The following FAM13B variants were observed in gnomAD, a reference collection of about 807,000 sequenced individuals.
FAM13B encodes family with sequence similarity 13 member B, also known as protein FAM13B.
A neutral mutation model predicts 117.3 loss-of-function variants in FAM13B; 60 were observed. The ratio of observed to expected loss-of-function variants is 0.51; its 90% CI spans 0.42 to 0.63. The LOEUF (loss-of-function observed/expected upper bound fraction) is 0.63, where lower values mean the gene tolerates loss of function less well. Among genes scored for constraint, FAM13B ranks in the 30% least tolerant of loss-of-function variants. The pLI, the probability that FAM13B is intolerant of heterozygous loss-of-function variation, is 0.00. For synonymous variants in FAM13B, 332 were observed against 356.1 expected, an observed-to-expected ratio of 0.93 and a Z score of 0.76; for missense variants, 972 against 1,091.9, an observed-to-expected ratio of 0.89 and a Z score of 1.55.
chr5:137,976,437 G>A (rs1774029830), intron 10 of FAM13B, among the ~76,000 whole-genome samples: 1 of 151,956 alleles, frequency 6.6e-6, no homozygotes, highest in Non-Finnish European at 1.5e-5. Context: ...GGAATTTTTT[G>A]CTTAAATTAT....
chr5:137,946,348 A>C (rs1263586108), intron 18 of FAM13B, 37 bp from the exon 19 acceptor site: 7 of 1,417,382 alleles, frequency 4.9e-6, no homozygotes, highest in Non-Finnish European at 5.8e-6. Flanking sequence ...AATACAAAAA[A>C]AAAAAAACAA....
chr5:137,998,701 G>A (rs1452057071), intron 7 of FAM13B, among the ~76,000 whole-genome samples: 1 of 152,208 alleles, frequency 6.6e-6, no homozygotes, highest in African/African-American at 2.4e-5. Flanking sequence ...TGCTTCTGAT[G>A]CAATCAACAG....
At position 137,965,101 on chromosome 5, in the gene FAM13B, G is replaced by A. The variant is rs540796015; in HGVS notation, c.1180-2632C>T. 1.2e-3 allele frequency among the ~76,000 whole-genome samples: 188 copies of A among 152,108 alleles called. 4 individuals carry two copies. The highest frequency in any genetic ancestry group is 0.01 in the Middle Eastern group (3 of 294). On this transcript the variant is annotated intron_variant, in intron 10 of 23. Coordinates refer to ENST00000689681, the MANE Select transcript of FAM13B (RefSeq NM_001385994.1). Reference sequence around the variant, plus strand: ...AATCACTTGAACCCAGTGGGGAGGAGCAGATTGCGGTGAGTGGAGACTGTG... The same window carrying A: ...AATCACTTGAACCCAGTGGGGAGGAACAGATTGCGGTGAGTGGAGACTGTG...
chr5:137,939,831 T>C lies in FAM13B; in HGVS notation c.*394A>G. 1 of 1,283,508 alleles carries C rather than the reference T, an allele frequency of 7.8e-7. No individual in the cohort carries two copies. The highest frequency in any genetic ancestry group is 9.8e-7 in the Non-Finnish European group (1 of 1,016,144). The allele number at this position is 1,283,508 out of a possible 1,614,324, so 79.5% of individuals were successfully genotyped here. On this transcript the variant is annotated 3_prime_UTR_variant, in exon 24 of 24. Coordinates refer to ENST00000689681, the MANE Select transcript of FAM13B (RefSeq NM_001385994.1). ...AGAAAAAGGCAACAGAAGAATTCAG[T>C]ATGAAGATTTTCCTCCAATTTTCTT...
Position 137,938,644 on chromosome 5 carries a change from T to G in FAM13B, c.*1581A>C, listed in dbSNP as rs867317020. 5 of 152,428 alleles carry G rather than the reference T, an allele frequency of 3.3e-5. No homozygotes were observed. Among genetic ancestry groups the G allele is most frequent in the African/African-American group, 4.8e-5 (2 of 41,478 alleles). The allele number at this position is 152,428 out of a possible 1,614,324, so 9.4% of individuals were successfully genotyped here. A position where few individuals can be genotyped will look rare whatever the true frequency, so the allele number is the denominator to read the frequency against. ...TACACATTCACTACCAGGTTTTCCC[T>G]CACCCCCCACCCCCCAGAAAAAGGC... On this transcript the variant is annotated 3_prime_UTR_variant, in exon 24 of 24. Coordinates refer to ENST00000689681, the MANE Select transcript of FAM13B (RefSeq NM_001385994.1).
At chr5:138,007,212 C>A (rs1170781835) in intron 6 of FAM13B, 65 bp from the exon 7 acceptor site, 3 of 1,234,614 alleles carry the variant, frequency 2.4e-6, no homozygotes, top group Non-Finnish European at 3.3e-6. Context: ...CTAAGACATA[C>A]TATTCTATGA....
chr5:137,981,077 A>ATT lies in FAM13B; in HGVS notation c.1179+4178_1179+4179dup, dbSNP rs56799832. ...CAGGGGAGCACCACTACACCTGGCT[A>ATT]TTTTTTTTTTTTTTTTTTTTTTTTT... is the stretch of plus-strand genomic sequence containing the variant. On this transcript the variant is annotated intron_variant, in intron 10 of 23. Transcript: ENST00000689681. Among the ~76,000 whole-genome samples, 135 of 60,462 alleles carry ATT rather than the reference A, an allele frequency of 2.2e-3. 1 individual carries two copies. Among genetic ancestry groups the ATT allele is most frequent in the African/African-American group, 6.9e-3 (97 of 14,144 alleles). The allele number at this position is 60,462 out of a possible 152,430, so 39.7% of individuals were successfully genotyped here.
intron 23 of FAM13B, 32 bp from the exon 24 acceptor site, chr5:137,940,380 A>G (rs1761283034): frequency 1.3e-6 from 2 of 1,519,802 alleles, no homozygotes; most frequent in Non-Finnish European, 8.9e-7. Flanking sequence ...GTAATGTTCT[A>G]GAGATCATTT....
At chr5:138,029,798 T>C (rs1032517632) in intron 1 of FAM13B, among the ~76,000 whole-genome samples, 14 of 152,238 alleles carry the variant, frequency 9.2e-5, no homozygotes, top group African/African-American at 3.1e-4. Context: ...AAGCAAAAAG[T>C]AGAGAAATAT....
chr5:137,954,487 C>A, intron 14 of FAM13B, 111 bp from the exon 15 acceptor site: 1 of 650,596 alleles, frequency 1.5e-6, no homozygotes, highest in Non-Finnish European at 2.6e-6. Flanking sequence ...TGTAGTGGTT[C>A]ATATATACAT....
intron 4 of FAM13B, among the ~76,000 whole-genome samples, chr5:138,013,887 C>T (rs1349205370): frequency 6.6e-6 from 1 of 152,172 alleles, no homozygotes; most frequent in Middle Eastern, 3.2e-3. Context: ...TTATTTTTAT[C>T]ATCTACTTTA....
chr5:137,996,090 A>G (rs529048719), intron 7 of FAM13B, among the ~76,000 whole-genome samples: 6 of 152,204 alleles, frequency 3.9e-5, no homozygotes, highest in Admixed American at 6.5e-5. Flanking sequence ...AACTGAAGGC[A>G]TATTTTCTCA....
chr5:138,025,563 C>A (rs1239625344), intron 1 of FAM13B, among the ~76,000 whole-genome samples: 2 of 151,998 alleles, frequency 1.3e-5, no homozygotes, highest in African/African-American at 4.8e-5. Context: ...AACCTAAGTT[C>A]TACAGGGACT....
At chr5:137,958,953 G>A (rs566444610) in intron 13 of FAM13B, among the ~76,000 whole-genome samples, 69 of 152,174 alleles carry the variant, frequency 4.5e-4, no homozygotes, top group Middle Eastern at 6.8e-3. Flanking sequence ...ATCCACTGAA[G>A]TTCAGCATTT....
chr5:138,032,882 C>T lies in FAM13B; in HGVS notation c.-303G>A, dbSNP rs1393467597. On this transcript the variant is annotated 5_prime_UTR_variant, in exon 1 of 24. Transcript: ENST00000689681. ...ACTGAGGCCCCAAGTGGCTCCGCGG[C>T]CGAGAAGCCTCTTCCTGGGGCGGCC... 1.0e-6 allele frequency: 1 copy of T among 985,648 alleles called. No homozygotes were observed. Among genetic ancestry groups the T allele is most frequent in the African/African-American group, 1.7e-5 (1 of 57,246 alleles). The allele number at this position is 985,648 out of a possible 1,614,324, so 61.1% of individuals were successfully genotyped here.
At chr5:138,013,971 CGCTCCAGGCTGGA>C (rs1290754764) in intron 4 of FAM13B, among the ~76,000 whole-genome samples, 1 of 152,044 alleles carries the variant, frequency 6.6e-6, no homozygotes, top group Non-Finnish European at 1.5e-5. Context: ...GACAGGCTGT[CGCTCCAGGCTGGA>C]GTGCAGTGGC....
intron 6 of FAM13B, among the ~76,000 whole-genome samples, chr5:138,007,552 T>C (rs1451877442): frequency 6.6e-6 from 1 of 152,166 alleles, no homozygotes; most frequent in Non-Finnish European, 1.5e-5. Context: ...CATTTTAATA[T>C]AGTAAGTGTG....
chr5:137,966,526 GAA>G (rs1319318753), intron 10 of FAM13B, among the ~76,000 whole-genome samples: 1 of 128,602 alleles, frequency 7.8e-6, no homozygotes, highest in African/African-American at 2.8e-5. Flanking sequence ...GAGAGAGAGG[GAA>G]AGAGAGAGAG....
intron 1 of FAM13B, among the ~76,000 whole-genome samples, chr5:138,050,029 T>C (rs568355990): frequency 1.7e-3 from 264 of 152,294 alleles, no homozygotes; most frequent in Middle Eastern, 3.4e-3. Flanking sequence ...TCCCAGCTTC[T>C]TGGGAGGCTT....
Sources: allele counts gnomAD v4.1 joint callset (sites outside exome capture counted in the v4.1 genomes callset), GRCh38; gene constraint gnomAD v4.1.1; transcripts MANE v1.5; gene names NCBI Gene and HGNC (gene_info 2026-07-23, HGNC 2026-07-21).